The following ACLY variants were observed in gnomAD, a reference collection of about 807,000 sequenced individuals.
The protein encoded by ACLY is ATP citrate lyase.
A neutral mutation model predicts 133.0 loss-of-function variants in ACLY; 41 were observed. The ratio of observed to expected loss-of-function variants is 0.31; its 90% confidence interval spans 0.24 to 0.40. ACLY has a LOEUF of 0.40. Ranked by LOEUF, ACLY falls within the 10% of genes least tolerant of loss-of-function variation. ACLY has a pLI of 1.00. For missense variants in ACLY, 1,046 were observed against 1,453.8 expected (o/e 0.72, Z 4.56); for synonymous variants, 495 against 549.3 (o/e 0.90, Z 1.38).
At chr17:41,879,624 G>A (rs1253473503) in intron 20 of ACLY, among the ~76,000 whole-genome samples, 2 of 86,650 alleles carry the variant, frequency 2.3e-5, no homozygotes, top group Non-Finnish European at 4.1e-5. Context: ...TCCAGCCAGG[G>A]TGATAAGAGC....
chr17:41,904,821 A>G, intron 9 of ACLY, 31 bp from the exon 10 acceptor site: 1 of 1,597,446 alleles, frequency 6.3e-7, no homozygotes, highest in Non-Finnish European at 8.6e-7. Flanking sequence ...AATCAAAAAC[A>G]GTTACATAGG....
rs919413733 is a variant in ACLY at position 41,918,759 on chromosome 17, C to T, written c.-24+121G>A. On this transcript the variant is annotated intron_variant, in intron 1 of 28. Transcript: ENST00000352035. ...CTAAAGCTAAGACCCTCAAAACTTC[C>T]GAGCAGGGCGCGTGGGCACCGAGCC... The T allele has an allele frequency of 2.4e-5, 29 of 1,200,120 alleles. No individual in the cohort carries two copies. The African/African-American group carries it at 4.4e-4, about 18-fold the overall frequency. 74.3% of individuals were successfully genotyped at this position (1,200,120 alleles called of 1,614,324 possible). A position where few individuals can be genotyped will look rare whatever the true frequency, so the allele number is the denominator to read the frequency against.
In ACLY at chr17:41,869,565, A is replaced by G; in HGVS notation, c.2960T>C (p.Val987Ala). 1 of 1,614,074 alleles carries G rather than the reference A, an allele frequency of 6.2e-7. No homozygotes were observed. Among genetic ancestry groups the G allele is most frequent in the Non-Finnish European group, 8.5e-7 (1 of 1,180,014 alleles). Residue 987 changes from valine (V) to alanine (A), a missense_variant, in exon 26 of 29, where the codon GTG (valine) becomes GCG (alanine). Around this residue, in one of 4 missense-constraint regions of ACLY, gnomAD observed 205 missense variants for 373.3 expected, o/e 0.55. Transcript: ENST00000352035. Reference protein sequence around the residue: ...VKSINNPDMRVQILKDYVRQH... With the variant: ...VKSINNPDMRAQILKDYVRQH... ...CCTGACGTAATCTTTGAGGATCTGC[A>G]CTCGCATGTCTGGGTTGTTTATCTA...
intron 11 of ACLY, among the ~76,000 whole-genome samples, chr17:41,899,507 TC>T (rs1460841758): frequency 6.6e-6 from 1 of 152,014 alleles, no homozygotes; most frequent in Non-Finnish European, 1.5e-5. Flanking sequence ...CCATGGAGCT[TC>T]ACCTGGCTGC....
chr17:41,907,641 C>G, intron 6 of ACLY, 69 bp from the exon 7 acceptor site: 1 of 1,569,766 alleles, frequency 6.4e-7, no homozygotes, highest in Non-Finnish European at 8.7e-7. Flanking sequence ...CCTCCAACCC[C>G]TCCACAAACA....
rs782294070 is a variant in ACLY, at chr17:41,904,714, T to G, written c.1065+15A>C. 4 of 1,612,364 alleles carry G rather than the reference T, an allele frequency of 2.5e-6. No homozygotes were observed. The highest frequency in any genetic ancestry group is 3.4e-6 in the Non-Finnish European group (4 of 1,178,584). On this transcript the variant is annotated intron_variant, in intron 10 of 28. Transcript: ENST00000352035. ...CCACTTTCCCCAGAAACTGCACCAC[T>G]GTTGCAACTGTTACCTTGAACGTGG... is the stretch of plus-strand genomic sequence containing the variant.
At chr17:41,889,548 A>AAAAAAAAAAAAAAAAAG (rs2049148440) in intron 16 of ACLY, among the ~76,000 whole-genome samples, 1 of 149,176 alleles carries the variant, frequency 6.7e-6, no homozygotes, top group East Asian at 2.0e-4. Context: ...AAAAAAAAAA[A>AAAAAAAAAAAAAAAAAG]AAAAAAAAGA....
At chr17:41,899,860 A>G (rs1324865849) in intron 11 of ACLY, among the ~76,000 whole-genome samples, 1 of 151,726 alleles carries the variant, frequency 6.6e-6, no homozygotes, top group Non-Finnish European at 1.5e-5. Context: ...CCTGGGCAAC[A>G]TGGCAAAAGT....
chr17:41,907,612 G>A, intron 6 of ACLY, 40 bp from the exon 7 acceptor site: 1 of 1,602,656 alleles, frequency 6.2e-7, no homozygotes, highest in African/African-American at 1.3e-5. Context: ...CACCGGCTCT[G>A]GGTAGAGACA....
Position 41,898,720 on chromosome 17 carries a change from T to C in ACLY, c.1249A>G (p.Met417Val). ...TETHMTAIVG[M>V]ALGHRPIPNQ... The stretch of plus-strand genomic sequence containing the variant: ...GGGATGGGCCGGTGGCCCAGGGCCA[T>C]GCCCACAATGGCCGTCATGTGAGTC... The change falls in exon 12 of 29, where the codon ATG becomes GTG. Residue 417 changes from methionine (M) to valine (V), a missense_variant. Physicochemically the swap from Met to Val is conservative, Grantham distance 21 (BLOSUM62 1). This residue lies in a region of ACLY where 575 missense variants were observed against 804.2 expected (regional missense o/e 0.71). Transcript: ENST00000352035. 6.2e-7 allele frequency: 1 copy of C among 1,613,976 alleles called. No individual in the cohort carries two copies. Among genetic ancestry groups the C allele is most frequent in the Non-Finnish European group, 8.5e-7 (1 of 1,179,966 alleles).
intron 14 of ACLY, among the ~76,000 whole-genome samples, chr17:41,894,285 C>T (rs1479029529): frequency 7.0e-6 from 1 of 142,344 alleles, no homozygotes; most frequent in Non-Finnish European, 1.5e-5. Flanking sequence ...GAAACCAACA[C>T]ACAATCACTT....
chr17:41,893,165 G>A lies in ACLY; in HGVS notation c.1469C>T (p.Thr490Ile). The change falls in exon 15 of 29, where the codon ACC becomes ATC. Residue 490 changes from threonine to isoleucine, a missense_variant. Physicochemically the swap from Thr to Ile is moderately conservative, Grantham distance 89. Coordinates refer to ENST00000352035, the MANE Select transcript of ACLY (RefSeq NM_001096.3). ...CTTGGTGTGGCGGCTGAAGAGGGTGGTGCTCTTTCCTGGTGGGCAAAGACA... is the reference window on the plus strand; with the variant it reads ...CTTGGTGTGGCGGCTGAAGAGGGTGATGCTCTTTCCTGGTGGGCAAAGACA... ...PSPRSLQGKS[T>I]TLFSRHTKAI... 6.2e-7 allele frequency: 1 copy of A among 1,613,022 alleles called. No individual in the cohort carries two copies. Among genetic ancestry groups the A allele is most frequent in the Non-Finnish European group, 8.5e-7 (1 of 1,179,390 alleles).
At chr17:41,895,483 G>A (rs1555630156) in intron 14 of ACLY, among the ~76,000 whole-genome samples, 3 of 152,186 alleles carry the variant, frequency 2.0e-5, no homozygotes, top group African/African-American at 7.2e-5. Context: ...GAACCTCTGT[G>A]CCAGGGGCTA....
At chr17:41,910,432 G>C in intron 3 of ACLY, 148 bp from the exon 4 acceptor site, 1 of 669,980 alleles carries the variant, frequency 1.5e-6, no homozygotes, top group Admixed American at 2.5e-5. Context: ...TGGGGTCACA[G>C]ATCCCTAAGC....
At chr17:41,882,260 A>G (rs1306724601) in intron 20 of ACLY, among the ~76,000 whole-genome samples, 2 of 149,012 alleles carry the variant, frequency 1.3e-5, no homozygotes, top group Admixed American at 1.4e-4. Context: ...CCAGCTACTC[A>G]GGAGGCTGAG....
At chr17:41,902,944 A>G (rs1032266844) in intron 10 of ACLY, among the ~76,000 whole-genome samples, 1 of 152,082 alleles carries the variant, frequency 6.6e-6, no homozygotes, top group Non-Finnish European at 1.5e-5. Flanking sequence ...CTCCTAGCTC[A>G]ACCCACTAAT....
intron 24 of ACLY, 72 bp from the exon 25 acceptor site, chr17:41,871,904 T>A: frequency 1.2e-6 from 2 of 1,601,886 alleles, no homozygotes; most frequent in Middle Eastern, 1.8e-4. Flanking sequence ...CAACCCAGTG[T>A]GTCCCGAACG....
chr17:41,917,473 C>T (rs1283220106), intron 1 of ACLY, among the ~76,000 whole-genome samples: 6 of 152,058 alleles, frequency 3.9e-5, no homozygotes, highest in African/African-American at 1.5e-4. Flanking sequence ...TTTTAGCAGA[C>T]ACTGAGAGAA....
At chr17:41,904,492 G>A in intron 10 of ACLY, 1 of 535,524 alleles carries the variant, frequency 1.9e-6, no homozygotes, top group Non-Finnish European at 3.3e-6. Context: ...CCATGCTTCA[G>A]GTGGGAGAGT....
Sources: gnomAD v4.1 joint callset for allele counts (sites outside exome capture counted in the v4.1 genomes callset) on GRCh38, gnomAD v4.1.1 for gene constraint, gnomAD v4.1.1 regional missense constraint, MANE v1.5 for transcripts, NCBI Gene and HGNC (gene_info 2026-07-23, HGNC 2026-07-21) for gene names.